Variants in KIF2A observed in about 807,000 individuals in gnomAD.
KIF2A encodes kinesin-like protein KIF2A.
Under a neutral mutation model 100.2 loss-of-function variants are expected in KIF2A, and 22 were observed. That is an observed-to-expected ratio of 0.22 (90% CI 0.16 to 0.31). The LOEUF (loss-of-function observed/expected upper bound fraction) is 0.31. KIF2A is among the 10% of genes least tolerant of loss of function. KIF2A has a pLI of 1.00. For missense variants in KIF2A, 495 were observed against 898.7 expected (o/e 0.55, Z 5.74); for synonymous variants, 268 against 285.9 (o/e 0.94, Z 0.63).
chr5:62,329,625 T>C (rs1024581536), intron 1 of KIF2A, among the ~76,000 whole-genome samples: 1 of 152,240 alleles, frequency 6.6e-6, no homozygotes, highest in Non-Finnish European at 1.5e-5. Context: ...TGACTGTTAG[T>C]GTAGTTAACA....
At chr5:62,350,179 A>G (rs894826082) in intron 4 of KIF2A, 59 bp downstream of exon 4, 2 of 970,488 alleles carry the variant, frequency 2.1e-6, no homozygotes, top group Admixed American at 6.1e-5. Context: ...GTTCCTGACA[A>G]GGTAAATCAA....
chr5:62,375,320 A>C (rs1258773220), intron 18 of KIF2A, among the ~76,000 whole-genome samples: 1 of 152,186 alleles, frequency 6.6e-6, no homozygotes, highest in Non-Finnish European at 1.5e-5. Context: ...TTTTCTCATC[A>C]TGTTAAGTTA....
chr5:62,350,254 T>C lies in KIF2A; in HGVS notation c.334+134T>C. On this transcript the variant is annotated intron_variant, in intron 4 of 20. Transcript: ENST00000407818. ...TTACCTGGCTAATTTTAAGAGGTGC[T>C]TTTTTGTTTTGTTTTGTTTTTTGTT... 1.2e-5 allele frequency: 7 copies of C among 601,660 alleles called. No individual in the cohort carries two copies. The South Asian group carries it at 1.5e-4, about 13-fold the overall frequency. 37.3% of individuals were successfully genotyped at this position (601,660 alleles called of 1,614,324 possible). A position where few individuals can be genotyped will look rare whatever the true frequency, so the allele number is the denominator to read the frequency against.
chr5:62,323,389 G>A (rs749266380), intron 1 of KIF2A, among the ~76,000 whole-genome samples: 9 of 152,128 alleles, frequency 5.9e-5, no homozygotes, highest in South Asian at 4.1e-4. Flanking sequence ...CGGGCGCGGC[G>A]GCGGGCGCCT....
At chr5:62,317,409 A>G (rs921972061) in intron 1 of KIF2A, among the ~76,000 whole-genome samples, 1 of 152,252 alleles carries the variant, frequency 6.6e-6, no homozygotes, top group African/African-American at 2.4e-5. Flanking sequence ...GGTACATCTT[A>G]GAATTTAACC....
At chr5:62,353,238 G>T in intron 5 of KIF2A, 37 bp from the exon 6 acceptor site, 1 of 1,251,142 alleles carries the variant, frequency 8.0e-7, no homozygotes, top group East Asian at 2.6e-5. Context: ...CTCTAAAAAA[G>T]AAAACTATAC....
In KIF2A at chr5:62,385,894, G is replaced by A. The variant is rs1345038067; in HGVS notation, c.*325G>A. The A allele has an allele frequency of 3.5e-6, 1 of 282,496 alleles. No individual in the cohort carries two copies. The highest frequency in any genetic ancestry group is 5.2e-5 in the South Asian group (1 of 19,208). The allele number at this position is 282,496 out of a possible 1,614,324, so 17.5% of individuals were successfully genotyped here. A position where few individuals can be genotyped will look rare whatever the true frequency, so the allele number is the denominator to read the frequency against. On this transcript the variant is annotated 3_prime_UTR_variant, in exon 21 of 21. Transcript: ENST00000407818. ...CTCAATCCAGAGCCAGATAGTAGGG[G>A]GAAGCCACAGCATTTCCTTTTAACT...
chr5:62,353,278 G>T lies in KIF2A; in HGVS notation c.461G>T (p.Arg154Leu). ...ACAGCTCATCTTTTCTTTTCAGCAC[G>T]TAGAAAATCTAATTGTGTGAAAGAA... ...AAKKEFGPPS[R>L]RKSNCVKEVE... Residue 154 changes from arginine (R) to leucine (L), a missense_variant, in exon 6 of 21, where the codon CGT (arginine) becomes CTT (leucine). Transcript: ENST00000407818. 1 of 1,538,906 alleles carries T rather than the reference G, an allele frequency of 6.5e-7. No homozygotes were observed. Among genetic ancestry groups the T allele is most frequent in the Non-Finnish European group, 8.7e-7 (1 of 1,144,900 alleles).
chr5:62,314,966 T>A (rs1381086393), intron 1 of KIF2A, among the ~76,000 whole-genome samples: 7 of 151,862 alleles, frequency 4.6e-5, no homozygotes, highest in Non-Finnish European at 1.0e-4. Flanking sequence ...TTTCACCATG[T>A]TGGCCAGGCT....
rs1173004409 is a variant in KIF2A, at chr5:62,388,086, T to C, written c.*2517T>C. On this transcript the variant is annotated 3_prime_UTR_variant, in exon 21 of 21. Transcript: ENST00000407818. The stretch of plus-strand genomic sequence containing the variant: ...AATAAAACTAGTTTATGACATCTAT[T>C]GAAATTCTCAGTCTGACAGTTTTAA... 1.3e-5 allele frequency: 2 copies of C among 152,202 alleles called. No homozygotes were observed. Among genetic ancestry groups the C allele is most frequent in the African/African-American group, 4.8e-5 (2 of 41,450 alleles). 9.4% of individuals were successfully genotyped at this position (152,202 alleles called of 1,614,324 possible). A position where few individuals can be genotyped will look rare whatever the true frequency, so the allele number is the denominator to read the frequency against.
intron 16 of KIF2A, among the ~76,000 whole-genome samples, chr5:62,369,196 C>T (rs1741211277): frequency 6.6e-6 from 1 of 152,152 alleles, no homozygotes; most frequent in South Asian, 2.1e-4. Context: ...CATGACTAAC[C>T]ATCTGGGACA....
At chr5:62,321,219 T>C (rs1043061564) in intron 1 of KIF2A, among the ~76,000 whole-genome samples, 11 of 152,252 alleles carry the variant, frequency 7.2e-5, no homozygotes, top group Non-Finnish European at 1.6e-4. Flanking sequence ...ACCATTCATA[T>C]ACAAGTTTTT....
chr5:62,321,069 C>T (rs1746068381), intron 1 of KIF2A, among the ~76,000 whole-genome samples: 1 of 152,182 alleles, frequency 6.6e-6, no homozygotes, highest in South Asian at 2.1e-4. Context: ...TGTCACTTAG[C>T]ATAATCCATA....
intron 1 of KIF2A, among the ~76,000 whole-genome samples, chr5:62,339,729 A>C (rs1001024267): frequency 2.6e-5 from 4 of 150,992 alleles, no homozygotes; most frequent in Non-Finnish European, 4.4e-5. Context: ...CATTTTATAT[A>C]TACAACATAA....
Position 62,332,330 on chromosome 5 carries a change from T to C in KIF2A, c.65-14800T>C, listed in dbSNP as rs1746697303. Among the ~76,000 whole-genome samples the C allele has an allele frequency of 2.0e-5, 3 of 152,216 alleles. No homozygotes were observed. The South Asian group carries it at 6.2e-4, about 31-fold the overall frequency. On this transcript the variant is annotated intron_variant, in intron 1 of 20. Transcript: ENST00000407818. ...GAAGCAAAGATGGCTTAAATTTGCA[T>C]GTATGTGCTGTTCAGTCATTTGTGG...
Position 62,385,929 on chromosome 5 carries a change from T to G in KIF2A, c.*360T>G. 1 of 242,114 alleles carries G rather than the reference T, an allele frequency of 4.1e-6. No homozygotes were observed. The highest frequency in any genetic ancestry group is 9.7e-5 in the East Asian group (1 of 10,322). The allele number at this position is 242,114 out of a possible 1,614,324, so 15.0% of individuals were successfully genotyped here. On this transcript the variant is annotated 3_prime_UTR_variant, in exon 21 of 21. Coordinates refer to ENST00000407818, the MANE Select transcript of KIF2A (RefSeq NM_001098511.3). Reference sequence around the variant, plus strand: ...GCATTTCCTTTTAACTCAGTTCAATTTTTGTAGTGAGACTGAGCAGTTTTA... The same window carrying G: ...GCATTTCCTTTTAACTCAGTTCAATGTTTGTAGTGAGACTGAGCAGTTTTA...
rs1213125772 is a variant in KIF2A, at chr5:62,306,426, C to T, written c.-47C>T. ...CCGCCCCCTCCCCGCCTTTTCCGCC[C>T]TCCGGTCCCCCTCCCTCGGCCCGCT... On this transcript the variant is annotated 5_prime_UTR_variant, in exon 1 of 21. Coordinates refer to ENST00000407818, the MANE Select transcript of KIF2A (RefSeq NM_001098511.3). 5 of 1,482,002 alleles carry T rather than the reference C, an allele frequency of 3.4e-6. No individual in the cohort carries two copies. The highest frequency in any genetic ancestry group is 4.0e-5 in the Admixed American group (2 of 49,556). The allele number at this position is 1,482,002 out of a possible 1,614,324, so 91.8% of individuals were successfully genotyped here.
At position 62,306,413 on chromosome 5, in the gene KIF2A, C is replaced by T; in HGVS notation, c.-60C>T. ...TCCCACACCTACCCCGCCCCCTCCC[C>T]GCCTTTTCCGCCCTCCGGTCCCCCT... On this transcript the variant is annotated 5_prime_UTR_variant, in exon 1 of 21. Transcript: ENST00000407818. 1 of 1,261,890 alleles carries T rather than the reference C, an allele frequency of 7.9e-7. No homozygotes were observed. Among genetic ancestry groups the T allele is most frequent in the Non-Finnish European group, 1.1e-6 (1 of 893,376 alleles). The allele number at this position is 1,261,890 out of a possible 1,614,324, so 78.2% of individuals were successfully genotyped here.
At chr5:62,376,461 C>T (rs1450391445) in intron 18 of KIF2A, among the ~76,000 whole-genome samples, 2 of 151,860 alleles carry the variant, frequency 1.3e-5, no homozygotes, top group African/African-American at 4.8e-5. Flanking sequence ...GCTCTGTCAC[C>T]CAGGCTGGAG....
Sources: allele counts gnomAD v4.1 joint callset (sites outside exome capture counted in the v4.1 genomes callset), GRCh38; gene constraint gnomAD v4.1.1; transcripts MANE v1.5; gene names NCBI Gene and HGNC (gene_info 2026-07-23, HGNC 2026-07-21).